DMD: variants seen among roughly 807,000 people sequenced by gnomAD.
DMD encodes the protein mutant dystrophin.
Under a neutral mutation model 330.1 loss-of-function variants are expected in DMD, and 63 were observed. The observed-to-expected ratio is 0.19, with a 90% CI of 0.16 to 0.24. The LOEUF (loss-of-function observed/expected upper bound fraction) is 0.24. Among genes scored for constraint, DMD ranks in the 10% least tolerant of loss-of-function variants. DMD has a pLI of 1.00. For missense variants in DMD, 3,344 were observed against 2,684.1 expected, an observed-to-expected ratio of 1.25 and a Z score of -5.43; for synonymous variants, 1,223 against 959.8, an observed-to-expected ratio of 1.27 and a Z score of -5.07.
At chrX:31,340,916 GTCTA>G (rs1191349726) in intron 61 of DMD, among the ~76,000 whole-genome samples, 1 of 111,936 alleles carries the variant, frequency 8.9e-6, no homozygotes, top group Non-Finnish European at 1.9e-5. Context: ...AGAGATTAAG[GTCTA>G]TCTTTTTGAT....
intron 44 of DMD, among the ~76,000 whole-genome samples, chrX:32,156,631 TAC>T (rs747490085): frequency 0.087 from 8,171 of 93,473 alleles, 330 homozygotes; most frequent in African/African-American, 0.15. Context: ...GACAAAAGGA[TAC>T]ACACACACAC....
intron 48 of DMD, among the ~76,000 whole-genome samples, chrX:31,847,136 T>A (rs771973797): frequency 5.4e-5 from 6 of 111,828 alleles, no homozygotes; most frequent in Non-Finnish European, 1.1e-4. Context: ...ACTCACATCA[T>A]TTCCCTCTAT....
chrX:33,243,243 T>A (rs955593807), intron 1 of DMD, among the ~76,000 whole-genome samples: 2 of 112,287 alleles, frequency 1.8e-5, no homozygotes, highest in Admixed American at 1.9e-4. Flanking sequence ...AGGTCTGGAT[T>A]TCTTTTTCAG....
Position 32,287,617 on chromosome X carries a change from G to A in DMD, c.6202C>T (p.Pro2068Ser), listed in dbSNP as rs759958716. Residue 2068 changes from proline (P) to serine (S), a missense_variant, in exon 43 of 79, where the codon CCT becomes TCT. Pro to Ser is a moderately conservative substitution (Grantham distance 74). Coordinates refer to ENST00000357033, the MANE Select transcript of DMD (RefSeq NM_004006.3). ...TCCTGTAGCTTCACCCTTTCCACAG[G>A]CGTTGCACTTTGCAATGCTGCTGTC... ...KKTAALQSAT[P>S]VERVKLQEAL... 8 of 1,208,435 alleles carry A rather than the reference G, an allele frequency of 6.6e-6. No homozygotes were observed. The Admixed American group carries it at 1.8e-4, about 26-fold the overall frequency.
At chrX:32,112,511 T>C (rs1207535733) in intron 44 of DMD, among the ~76,000 whole-genome samples, 1 of 111,571 alleles carries the variant, frequency 9.0e-6, no homozygotes, top group African/African-American at 3.3e-5. Flanking sequence ...GACCACAACA[T>C]GGCACTTGGA....
intron 44 of DMD, among the ~76,000 whole-genome samples, chrX:32,143,119 G>A (rs898264129): frequency 1.6e-4 from 17 of 109,582 alleles, no homozygotes; most frequent in Non-Finnish European, 3.2e-4. Flanking sequence ...GTATTACTTG[G>A]TTTTTGTTCT....
intron 60 of DMD, among the ~76,000 whole-genome samples, chrX:31,353,394 C>A (rs1448778540): frequency 2.7e-5 from 3 of 111,364 alleles, no homozygotes; most frequent in Non-Finnish European, 5.6e-5. Context: ...TTCGAAAGGG[C>A]ACCTGAGACT....
chrX:32,283,497 C>A (rs1466777690), intron 43 of DMD, among the ~76,000 whole-genome samples: 1 of 111,932 alleles, frequency 8.9e-6, no homozygotes, highest in Non-Finnish European at 1.9e-5. Context: ...TTCAGGAATG[C>A]ATAGCTTCTA....
Position 32,392,549 on chromosome X carries a change from C to A in DMD, c.4234-2368G>T, listed in dbSNP as rs199500716. The stretch of plus-strand genomic sequence containing the variant: ...TGCTGGGATTACAGGTGTGAGCCAC[C>A]GTGCCCAGCCCGTAGATAGCATTTT... On this transcript the variant is annotated intron_variant, in intron 30 of 78. Coordinates refer to ENST00000357033, the MANE Select transcript of DMD (RefSeq NM_004006.3). 1.1e-4 allele frequency among the ~76,000 whole-genome samples: 12 copies of A among 111,523 alleles called. No individual in the cohort carries two copies. In the East Asian group the frequency reaches 2.0e-3, roughly 19 times the overall value.
intron 4 of DMD, among the ~76,000 whole-genome samples, chrX:32,830,810 C>A (rs939837491): frequency 1.8e-5 from 2 of 111,016 alleles, no homozygotes. Flanking sequence ...GGATAGAAAA[C>A]CTCCATGGTT....
chrX:32,303,519 A>T (rs1045917904), intron 42 of DMD, among the ~76,000 whole-genome samples: 3 of 111,433 alleles, frequency 2.7e-5, no homozygotes, highest in South Asian at 7.4e-4. Context: ...AGACTTATAA[A>T]ACTCTAGGCA....
chrX:32,642,744 TG>T (rs761275463), intron 11 of DMD, among the ~76,000 whole-genome samples: 1 of 111,897 alleles, frequency 8.9e-6, no homozygotes. Flanking sequence ...GAATAATTAA[TG>T]CCATATTGTT....
intron 9 of DMD, among the ~76,000 whole-genome samples, chrX:32,696,457 G>C (rs930469713): frequency 8.9e-6 from 1 of 111,835 alleles, no homozygotes; most frequent in Admixed American, 9.5e-5. Flanking sequence ...AAACAAGTAA[G>C]TGAATTTGTT....
At chrX:32,840,153 T>C (rs2080034566) in intron 4 of DMD, among the ~76,000 whole-genome samples, 1 of 112,061 alleles carries the variant, frequency 8.9e-6, no homozygotes, top group African/African-American at 3.2e-5. Context: ...CAGCTCCCCA[T>C]TAAAGCTCTA....
intron 2 of DMD, among the ~76,000 whole-genome samples, chrX:32,860,298 C>T (rs942077546): frequency 3.9e-4 from 44 of 111,711 alleles, no homozygotes; most frequent in Non-Finnish European, 5.6e-5. Context: ...CCTGAAAATC[C>T]AAAGGGATCA....
chrX:32,788,759 A>G (rs6653888), intron 7 of DMD, among the ~76,000 whole-genome samples: 9,542 of 111,864 alleles, frequency 0.085, 1,033 homozygotes, highest in African/African-American at 0.29. Context: ...GCTTATTTCA[A>G]GTGGATTTAT....
chrX:32,878,734 G>C (rs1198128555), intron 2 of DMD, among the ~76,000 whole-genome samples: 3 of 110,452 alleles, frequency 2.7e-5, no homozygotes, highest in Non-Finnish European at 5.7e-5. Flanking sequence ...TTGGGGCCAG[G>C]TGCAATGGCT....
At chrX:31,265,807 A>T (rs1474118156) in intron 62 of DMD, among the ~76,000 whole-genome samples, 1 of 93,226 alleles carries the variant, frequency 1.1e-5, no homozygotes, top group Non-Finnish European at 2.1e-5. Flanking sequence ...GTGGGTGACA[A>T]GGAGAGATGA....
chrX:32,823,211 C>A (rs1475061219), intron 5 of DMD, 84 bp downstream of exon 5: 2 of 767,063 alleles, frequency 2.6e-6, no homozygotes, highest in African/African-American at 4.1e-5. Context: ...GTTAGAAATA[C>A]ACATTTGTTT....
Sources: allele counts gnomAD v4.1 joint callset (sites outside exome capture counted in the v4.1 genomes callset), GRCh38; gene constraint gnomAD v4.1.1; transcripts MANE v1.5; gene names NCBI Gene and HGNC (gene_info 2026-07-23, HGNC 2026-07-21).